The following SPIRE1 variants were observed in gnomAD, a reference collection of about 807,000 sequenced individuals.
SPIRE1 encodes the protein protein spire homolog 1.
Under a neutral mutation model 94.1 loss-of-function variants are expected in SPIRE1, and 40 were observed. That is an observed-to-expected ratio of 0.43 (90% CI 0.33 to 0.55). SPIRE1 has a LOEUF of 0.55. SPIRE1 is among the 20% of genes least tolerant of loss of function. The pLI is 0.06. For missense variants in SPIRE1, 838 were observed against 975.2 expected (o/e 0.86, Z 1.87); for synonymous variants, 376 against 371.7 (o/e 1.01, Z -0.13).
chr18:12,501,423 C>T (rs976930339), intron 6 of SPIRE1, among the ~76,000 whole-genome samples: 9 of 152,132 alleles, frequency 5.9e-5, no homozygotes, highest in Admixed American at 3.9e-4. Flanking sequence ...CTCGCTCTGC[C>T]GTCACGCTGG....
At position 12,641,867 on chromosome 18, in the gene SPIRE1, C is replaced by G. The variant is rs190232905; in HGVS notation, c.338-6771G>C. Among the ~76,000 whole-genome samples the G allele has an allele frequency of 9.9e-4, 136 of 137,070 alleles. 1 individual carries two copies. The highest frequency in any genetic ancestry group is 3.6e-3 in the African/African-American group (132 of 36,230). 89.9% of individuals were successfully genotyped at this position (137,070 alleles called of 152,430 possible). ...TTTTTTTTTGAGATGGAGTCTTGCT[C>G]TGTCGCCCAGGCTGGAGTGCAGTGC... On this transcript the variant is annotated intron_variant, in intron 1 of 16. Transcript: ENST00000409402.
Position 12,657,793 on chromosome 18 carries a change from T to G in SPIRE1, c.74A>C (p.Glu25Ala), listed in dbSNP as rs2038599500. The change falls in exon 1 of 17, where the codon GAG becomes GCG. Residue 25 changes from glutamate to alanine, a missense_variant. Glu to Ala is a moderately radical substitution (Grantham distance 107). Around this residue, in one of 2 missense-constraint regions of SPIRE1, gnomAD observed 193 missense variants for 170.5 expected, o/e 1.13. Coordinates refer to ENST00000409402, the MANE Select transcript of SPIRE1 (RefSeq NM_001128626.2). ...GGCCGCGCCGCCGGCTGCCCCGGGC[T>G]CCCGCGGCCCCTCGCCGCCCACTGC... ...TEAVGGEGPR[E>A]PGAAGGAAGG... 7 of 1,281,134 alleles carry G rather than the reference T, an allele frequency of 5.5e-6. No homozygotes were observed. The highest frequency in any genetic ancestry group is 6.9e-6 in the Non-Finnish European group (7 of 1,012,602). The allele number at this position is 1,281,134 out of a possible 1,614,324, so 79.4% of individuals were successfully genotyped here.
chr18:12,535,709 C>G, intron 3 of SPIRE1, 108 bp from the exon 4 acceptor site: 1 of 1,023,778 alleles, frequency 9.8e-7, no homozygotes, highest in Non-Finnish European at 1.4e-6. Flanking sequence ...GTAATCCCAG[C>G]ACTTTGGGAG....
intron 4 of SPIRE1, among the ~76,000 whole-genome samples, chr18:12,528,088 G>A (rs1455067760): frequency 6.7e-6 from 1 of 150,242 alleles, no homozygotes; most frequent in Admixed American, 6.6e-5. Flanking sequence ...AGGCTTAGAA[G>A]ACTCCAACTC....
At chr18:12,474,789 A>G (rs1323418774) in intron 10 of SPIRE1, among the ~76,000 whole-genome samples, 1 of 152,174 alleles carries the variant, frequency 6.6e-6, no homozygotes, top group Non-Finnish European at 1.5e-5. Context: ...ACTGTGTTCC[A>G]GCCTTGGCAA....
At chr18:12,476,541 C>CAAAAAA (rs558968043) in intron 10 of SPIRE1, among the ~76,000 whole-genome samples, 6 of 46,836 alleles carry the variant, frequency 1.3e-4, no homozygotes, top group Non-Finnish European at 1.7e-4. Context: ...ACTCTGTCTC[C>CAAAAAA]AAAAAAAAAA....
At chr18:12,460,661 G>C (rs887220672) in intron 12 of SPIRE1, among the ~76,000 whole-genome samples, 1 of 150,936 alleles carries the variant, frequency 6.6e-6, no homozygotes, top group African/African-American at 2.4e-5. Flanking sequence ...GTGGTGAATC[G>C]AGATTGAGCC....
At chr18:12,473,679 TG>T (rs2032450533) in intron 10 of SPIRE1, among the ~76,000 whole-genome samples, 4 of 152,186 alleles carry the variant, frequency 2.6e-5, no homozygotes, top group Non-Finnish European at 5.9e-5. Flanking sequence ...TAATTGATAA[TG>T]TAAATAATTA....
intron 6 of SPIRE1, among the ~76,000 whole-genome samples, chr18:12,505,875 A>C (rs2033816170): frequency 1.3e-5 from 2 of 152,198 alleles, no homozygotes; most frequent in South Asian, 2.1e-4. Context: ...TAAGCAAAAC[A>C]ACCAGTAATA....
intron 2 of SPIRE1, among the ~76,000 whole-genome samples, chr18:12,573,655 G>A (rs796188628): frequency 2.0e-4 from 30 of 152,208 alleles, no homozygotes; most frequent in African/African-American, 7.2e-4. Flanking sequence ...CAGTAATGAT[G>A]GACATGTGTC....
chr18:12,454,342 C>A lies in SPIRE1; in HGVS notation c.1776+4G>T. 1 of 1,614,100 alleles carries A rather than the reference C, an allele frequency of 6.2e-7. No individual in the cohort carries two copies. Among genetic ancestry groups the A allele is most frequent in the South Asian group, 1.1e-5 (1 of 91,074 alleles). On this transcript the variant is annotated splice_donor_region_variant and intron_variant, in intron 13 of 16. Transcript: ENST00000409402. ...TCTGATCAATCAACTTTAAACAGCA[C>A]TACCTTTCCTTTTTTCAAGGCGGTG... is the stretch of plus-strand genomic sequence containing the variant.
intron 2 of SPIRE1, among the ~76,000 whole-genome samples, chr18:12,609,883 C>G (rs904951797): frequency 6.6e-6 from 1 of 151,856 alleles, no homozygotes; most frequent in Non-Finnish European, 1.5e-5. Context: ...AGTAACGGTT[C>G]CCTAGATCTT....
At chr18:12,469,758 A>ATGTG (rs1376041154) in intron 10 of SPIRE1, among the ~76,000 whole-genome samples, 17 of 145,070 alleles carry the variant, frequency 1.2e-4, no homozygotes, top group African/African-American at 4.3e-4. Context: ...ATAATTATAT[A>ATGTG]TATACACATA....
intron 2 of SPIRE1, among the ~76,000 whole-genome samples, chr18:12,605,034 T>TG (rs1450978764): frequency 6.6e-6 from 1 of 152,146 alleles, no homozygotes; most frequent in Non-Finnish European, 1.5e-5. Flanking sequence ...TATGAGTAAC[T>TG]GGTCAAATGC....
At chr18:12,648,077 T>C (rs2038273766) in intron 1 of SPIRE1, among the ~76,000 whole-genome samples, 1 of 152,134 alleles carries the variant, frequency 6.6e-6, no homozygotes, top group Non-Finnish European at 1.5e-5. Flanking sequence ...CAGACTGATA[T>C]AAACAAATGA....
chr18:12,450,850 C>T (rs1170197410), intron 16 of SPIRE1: 6 of 734,356 alleles, frequency 8.2e-6, no homozygotes, highest in Non-Finnish European at 1.5e-5. Context: ...ACTTAAATGA[C>T]AGTGAAAAGC....
At chr18:12,547,045 G>T in intron 2 of SPIRE1, 141 bp from the exon 3 acceptor site, 2 of 569,476 alleles carry the variant, frequency 3.5e-6, no homozygotes, top group Non-Finnish European at 6.2e-6. Context: ...TATTCTCTTA[G>T]ATTTATACTT....
intron 2 of SPIRE1, among the ~76,000 whole-genome samples, chr18:12,555,611 C>A (rs1785308): frequency 0.82 from 124,459 of 152,150 alleles, 51,086 homozygotes; most frequent in Middle Eastern, 0.88. Flanking sequence ...ATTTCATAAA[C>A]TTCAACATCC....
intron 4 of SPIRE1, among the ~76,000 whole-genome samples, chr18:12,524,984 A>G (rs1462939390): frequency 3.3e-5 from 5 of 151,672 alleles, no homozygotes; most frequent in African/African-American, 4.8e-5. Context: ...GGAAGAAGAA[A>G]AAAAAAAAGT....
Sources: gnomAD v4.1 joint callset for allele counts (sites outside exome capture counted in the v4.1 genomes callset) on GRCh38, gnomAD v4.1.1 for gene constraint, gnomAD v4.1.1 regional missense constraint, MANE v1.5 for transcripts, NCBI Gene and HGNC (gene_info 2026-07-23, HGNC 2026-07-21) for gene names.